Variants in AHRR observed in about 807,000 individuals in gnomAD.
The protein encoded by AHRR is aryl hydrocarbon receptor repressor, also known as ahR repressor.
A neutral mutation model predicts 44.0 loss-of-function variants in AHRR; 28 were observed. The observed-to-expected ratio is 0.64, with a 90% CI of 0.47 to 0.87. AHRR has a LOEUF of 0.87. Among genes scored for constraint, AHRR ranks in the 40% least tolerant of loss-of-function variants. AHRR has a pLI of 0.00. For synonymous variants in AHRR, 434 were observed against 407.0 expected, an observed-to-expected ratio of 1.07 and a Z score of -0.80; for missense variants, 990 against 953.9, an observed-to-expected ratio of 1.04 and a Z score of -0.50.
At chr5:413,579 C>A in intron 5 of AHRR, 146 bp downstream of exon 5, 1 of 651,450 alleles carries the variant, frequency 1.5e-6, no homozygotes. Context: ...TCTCCACACC[C>A]CAGCTTTGTC....
intron 3 of AHRR, among the ~76,000 whole-genome samples, chr5:366,571 T>C (rs1382423721): frequency 3.9e-5 from 6 of 152,186 alleles, no homozygotes; most frequent in Non-Finnish European, 8.8e-5. Flanking sequence ...GCAAGAAATA[T>C]CAATTGGTGC....
rs1037709835 is a variant in AHRR, at chr5:370,660, C to T, written c.245-5950C>T. ...TGGGAAGGTGTGGGTGATGGGGGGA[C>T]AGTCCATGGGAAGGCACAGGTGATG... On this transcript the variant is annotated intron_variant, in intron 3 of 10. Transcript: ENST00000684583. This position sits in a 1 kb window ranked among gnomAD's most constrained non-coding sequence, Gnocchi z 4.5. Among the ~76,000 whole-genome samples the T allele has an allele frequency of 6.7e-6, 1 of 148,964 alleles. No individual in the cohort carries two copies. Among genetic ancestry groups the T allele is most frequent in the East Asian group, 2.0e-4 (1 of 5,002 alleles).
At chr5:391,377 CGCAGGGCGAGGA>C in intron 4 of AHRR, among the ~76,000 whole-genome samples, 1 of 72,270 alleles carries the variant, frequency 1.4e-5, no homozygotes, top group South Asian at 4.1e-4. Flanking sequence ...CGTGCATGGG[CGCAGGGCGAGGA>C]GGGCGCAGGG....
chr5:422,658 A>T (rs979750112), intron 5 of AHRR, 71 bp from the exon 6 acceptor site: 2 of 1,607,546 alleles, frequency 1.2e-6, no homozygotes, highest in Non-Finnish European at 1.7e-6. Context: ...TTTTTCGGTT[A>T]CTCGTCGGTG....
In AHRR at chr5:342,670, C is replaced by T. The variant is rs995498373; in HGVS notation, c.-10-1223C>T. 1.3e-5 allele frequency among the ~76,000 whole-genome samples: 2 copies of T among 152,254 alleles called. No homozygotes were observed. Among genetic ancestry groups the T allele is most frequent in the African/African-American group, 4.8e-5 (2 of 41,470 alleles). On this transcript the variant is annotated intron_variant, in intron 1 of 10. Coordinates refer to ENST00000684583, the MANE Select transcript of AHRR (RefSeq NM_001377236.1). This position sits in a 1 kb window ranked among gnomAD's most constrained non-coding sequence, Gnocchi z 4.3. ...TTCAGGTCAGGTGAGGGCTCCTTAACTTCCTCCCCAAGGCTTCTGGCCCAG... is the reference window on the plus strand; with the variant it reads ...TTCAGGTCAGGTGAGGGCTCCTTAATTTCCTCCCCAAGGCTTCTGGCCCAG...
intron 3 of AHRR, 53 bp from the exon 4 acceptor site, chr5:376,557 A>AACGCGGGGAAACACAGGAAAGATGT: frequency 7.0e-7 from 1 of 1,423,184 alleles, no homozygotes; most frequent in Non-Finnish European, 9.5e-7. Context: ...AATGAAGAAG[A>AACGCGGGGAAACACAGGAAAGATGT]GTGGCCAGGC....
intron 5 of AHRR, among the ~76,000 whole-genome samples, chr5:420,507 G>A (rs927480642): frequency 1.3e-5 from 2 of 152,226 alleles, no homozygotes; most frequent in Non-Finnish European, 2.9e-5. Context: ...CTGCTTCCCT[G>A]CAGGAGGAAG....
At chr5:400,842 T>A (rs1734986363) in intron 4 of AHRR, among the ~76,000 whole-genome samples, 1 of 152,240 alleles carries the variant, frequency 6.6e-6, no homozygotes, top group Non-Finnish European at 1.5e-5. Context: ...ACTCAAGCCT[T>A]GAAAATTTCT....
In AHRR at chr5:423,940, G is replaced by C; in HGVS notation, c.671G>C (p.Arg224Pro). ...TTCCTGACCCGCTGCTTCATCTGCC[G>C]TGTGCGCTGCCTGCTGGACAGCACC... ...SAFLTRCFIC[R>P]VRCLLDSTSG... Residue 224 changes from arginine to proline, a missense_variant, in exon 7 of 11, where the codon CGT becomes CCT. Physicochemically the swap from Arg to Pro is moderately radical, Grantham distance 103. Transcript: ENST00000684583. The C allele has an allele frequency of 6.2e-7, 1 of 1,601,838 alleles. No homozygotes were observed. Among genetic ancestry groups the C allele is most frequent in the African/African-American group, 1.3e-5 (1 of 75,046 alleles).
intron 4 of AHRR, among the ~76,000 whole-genome samples, chr5:381,250 C>T (rs952050444): frequency 6.6e-6 from 1 of 152,234 alleles, no homozygotes; most frequent in Admixed American, 6.5e-5. Flanking sequence ...TCTCCACCAG[C>T]TGTCTAGGCA....
chr5:397,681 G>GT (rs200200764), intron 4 of AHRR, among the ~76,000 whole-genome samples: 7 of 110,268 alleles, frequency 6.3e-5, no homozygotes, highest in Admixed American at 9.4e-5. Flanking sequence ...GACCATCCAT[G>GT]TAGCCCCTGA....
At chr5:344,452 G>T (rs1245410834) in intron 2 of AHRR, among the ~76,000 whole-genome samples, 4 of 24,256 alleles carry the variant, frequency 1.6e-4, no homozygotes, top group Non-Finnish European at 9.7e-5. Flanking sequence ...GCTGTGTGTG[G>T]GGTGTGTGTG....
chr5:345,126 A>ATG (rs146530987), intron 2 of AHRR, among the ~76,000 whole-genome samples: 104 of 2,634 alleles, frequency 0.039, 9 homozygotes, highest in Non-Finnish European at 0.053. Flanking sequence ...GTGTGTGGGG[A>ATG]TGTGTGTGTG....
chr5:436,267 C>T lies in AHRR; in HGVS notation c.*1433C>T, dbSNP rs561250802. 3.6e-5 allele frequency: 2 copies of T among 56,168 alleles called. No homozygotes were observed. Among genetic ancestry groups the T allele is most frequent in the East Asian group, 2.7e-4 (1 of 3,762 alleles). The allele number at this position is 56,168 out of a possible 1,614,324, so 3.5% of individuals were successfully genotyped here. On this transcript the variant is annotated 3_prime_UTR_variant, in exon 11 of 11. Transcript: ENST00000684583. ...GTTGGCCCGCGGGTGAGGGACCCAC[C>T]ACCCCTAGGGACCCACCACCCCGCC...
At chr5:327,769 C>CTATTTTATTT (rs992648580) in intron 1 of AHRR, among the ~76,000 whole-genome samples, 1 of 152,014 alleles carries the variant, frequency 6.6e-6, no homozygotes, top group Non-Finnish European at 1.5e-5. Flanking sequence ...AATAGCAGTT[C>CTATTTTATTT]TATTTTATTT....
At chr5:334,442 T>G (rs559548167) in intron 1 of AHRR, among the ~76,000 whole-genome samples, 121 of 152,204 alleles carry the variant, frequency 7.9e-4, no homozygotes, top group African/African-American at 2.8e-3. Context: ...TTTGATTGGA[T>G]AGTTTCAAAA....
At chr5:376,405 C>T (rs1579639676) in intron 3 of AHRR, among the ~76,000 whole-genome samples, 1 of 36,328 alleles carries the variant, frequency 2.8e-5, no homozygotes, top group East Asian at 5.3e-4. Flanking sequence ...TGATCTGAGG[C>T]CTGTGTCTCA....
chr5:420,383 G>T (rs1054451545), intron 5 of AHRR, among the ~76,000 whole-genome samples: 28 of 151,370 alleles, frequency 1.8e-4, no homozygotes, highest in African/African-American at 6.8e-4. Context: ...GCCCCAGGCT[G>T]GGAGGAGTGC....
intron 1 of AHRR, among the ~76,000 whole-genome samples, chr5:328,703 C>A (rs1230906052): frequency 6.6e-6 from 1 of 152,036 alleles, no homozygotes; most frequent in East Asian, 1.9e-4. Context: ...TATTCATGTC[C>A]TTTGCTTACT....
Sources: gnomAD v4.1 joint callset for allele counts (sites outside exome capture counted in the v4.1 genomes callset) on GRCh38, gnomAD v4.1.1 for gene constraint, Gnocchi (gnomAD v3.1) non-coding constraint, MANE v1.5 for transcripts, NCBI Gene and HGNC (gene_info 2026-07-23, HGNC 2026-07-21) for gene names.